CIP2A: variants seen among roughly 807,000 people sequenced by gnomAD.
The protein encoded by CIP2A is protein CIP2A.
In CIP2A, 103 loss-of-function variants were observed where a neutral mutation model predicts 110.9. The ratio of observed to expected loss-of-function variants is 0.93; its 90% CI spans 0.79 to 1.09. CIP2A has a LOEUF of 1.09. Among genes scored for constraint, CIP2A ranks in the 50% least tolerant of loss-of-function variants. The probability of loss-of-function intolerance (pLI) is 0.00; values close to 1 mark genes in which losing one functional copy is unlikely to be tolerated. For synonymous variants in CIP2A, 381 were observed against 361.6 expected, an observed-to-expected ratio of 1.05 and a Z score of -0.61; for missense variants, 1,088 against 1,038.4, an observed-to-expected ratio of 1.05 and a Z score of -0.66.
chr3:108,556,239 T>C (rs1038317536), intron 17 of CIP2A, among the ~76,000 whole-genome samples: 4 of 152,220 alleles, frequency 2.6e-5, no homozygotes, highest in African/African-American at 9.6e-5. Flanking sequence ...ATATGTACCA[T>C]GCCAAGCTAA....
In CIP2A at chr3:108,589,316, C is replaced by A. The variant is rs768252363; in HGVS notation, c.60G>T (p.Val20=). Residue 20 remains valine, a synonymous_variant, in exon 1 of 21, where the codon GTG becomes GTT. Coordinates refer to ENST00000295746, the MANE Select transcript of CIP2A (RefSeq NM_020890.3). Reference sequence around the variant, plus strand: ...GCTGAGTGGCGTTCGCCTCTGACTTCACGGCTTTGTACTGACTGACAGTCA... The same window carrying A: ...GCTGAGTGGCGTTCGCCTCTGACTTAACGGCTTTGTACTGACTGACAGTCA... ...LLLTVSQYKA[V]KSEANATQLL... is the part of the protein sequence containing the mutation. 9.9e-6 allele frequency: 16 copies of A among 1,613,986 alleles called. No homozygotes were observed. The highest frequency in any genetic ancestry group is 8.5e-7 in the Non-Finnish European group (1 of 1,179,984).
At chr3:108,578,035 A>G (rs899282415) in intron 7 of CIP2A, among the ~76,000 whole-genome samples, 1 of 152,238 alleles carries the variant, frequency 6.6e-6, no homozygotes, top group Non-Finnish European at 1.5e-5. Context: ...GTTAAGTTAG[A>G]CTTTGGAAGA....
intron 9 of CIP2A, 88 bp from the exon 10 acceptor site, chr3:108,568,402 T>A (rs1030759725): frequency 1.1e-5 from 11 of 1,036,740 alleles, no homozygotes; most frequent in Non-Finnish European, 1.4e-5. Flanking sequence ...ACACTCTCTT[T>A]AAATTTTTTA....
intron 17 of CIP2A, among the ~76,000 whole-genome samples, chr3:108,556,747 T>C (rs1937816991): frequency 6.6e-6 from 1 of 152,202 alleles, no homozygotes. Flanking sequence ...CACTTACACC[T>C]AAATTTCCAT....
chr3:108,585,480 G>A (rs1939014307), intron 1 of CIP2A, among the ~76,000 whole-genome samples: 3 of 151,984 alleles, frequency 2.0e-5, no homozygotes, highest in Admixed American at 2.0e-4. Flanking sequence ...ATCTCAGTTC[G>A]GTCGGCCTAT....
intron 8 of CIP2A, among the ~76,000 whole-genome samples, chr3:108,570,142 A>G (rs1038067808): frequency 6.6e-6 from 1 of 151,978 alleles, no homozygotes; most frequent in Non-Finnish European, 1.5e-5. Flanking sequence ...GCCTTATACC[A>G]TAACATCCCC....
rs1938018458 is a variant in CIP2A at position 108,561,886 on chromosome 3, C to A, written c.1635-1045G>T. 1.3e-5 allele frequency among the ~76,000 whole-genome samples: 2 copies of A among 152,130 alleles called. 1 individual carries two copies. Among genetic ancestry groups the A allele is most frequent in the South Asian group, 4.1e-4 (2 of 4,834 alleles). ...CAGTCAAAATGGTGGGAAGGCCTCA[C>A]ACACAGAGGCAGAGGATAAGACTTC... On this transcript the variant is annotated intron_variant, in intron 13 of 20. Coordinates refer to ENST00000295746, the MANE Select transcript of CIP2A (RefSeq NM_020890.3).
chr3:108,588,124 C>T (rs1576323914), intron 1 of CIP2A, among the ~76,000 whole-genome samples: 1 of 152,124 alleles, frequency 6.6e-6, no homozygotes, highest in East Asian at 1.9e-4. Context: ...AAAGGTAATG[C>T]TTCAGAATAG....
chr3:108,551,137 A>G lies in CIP2A; in HGVS notation c.*12T>C. Reference sequence around the variant, plus strand: ...ATATCATGAGATTACAAATTCCAAAATGCCATAATGTCTATATACTGAGAT... The same window carrying G: ...ATATCATGAGATTACAAATTCCAAAGTGCCATAATGTCTATATACTGAGAT... On this transcript the variant is annotated 3_prime_UTR_variant, in exon 21 of 21. Transcript: ENST00000295746. 6.9e-7 allele frequency: 1 copy of G among 1,455,556 alleles called. No homozygotes were observed. The highest frequency in any genetic ancestry group is 9.2e-7 in the Non-Finnish European group (1 of 1,089,056). The allele number at this position is 1,455,556 out of a possible 1,614,324, so 90.2% of individuals were successfully genotyped here.
chr3:108,576,709 T>C (rs1220546603), intron 7 of CIP2A, among the ~76,000 whole-genome samples: 2 of 152,196 alleles, frequency 1.3e-5, no homozygotes, highest in Non-Finnish European at 2.9e-5. Flanking sequence ...AATATCCTAA[T>C]ACATTATACA....
chr3:108,562,903 T>C (rs1938056275), intron 13 of CIP2A, among the ~76,000 whole-genome samples: 1 of 152,156 alleles, frequency 6.6e-6, no homozygotes, highest in Non-Finnish European at 1.5e-5. Context: ...GGATAGTACC[T>C]GAAGAACATT....
At chr3:108,587,869 C>G (rs1487090851) in intron 1 of CIP2A, among the ~76,000 whole-genome samples, 1 of 152,014 alleles carries the variant, frequency 6.6e-6, no homozygotes, top group Non-Finnish European at 1.5e-5. Flanking sequence ...GCAACCTCAG[C>G]CTCCCGAGTT....
chr3:108,588,958 C>T (rs1576325207), intron 1 of CIP2A, among the ~76,000 whole-genome samples: 1 of 152,302 alleles, frequency 6.6e-6, no homozygotes, highest in East Asian at 1.9e-4. Flanking sequence ...GGCTTGGTTT[C>T]GTAGAAAAAC....
At chr3:108,563,033 C>G in intron 13 of CIP2A, 93 bp downstream of exon 13, 3 of 716,556 alleles carry the variant, frequency 4.2e-6, no homozygotes, top group African/African-American at 1.8e-5. Flanking sequence ...CTTCAATTCA[C>G]TAATTTGCTT....
At chr3:108,582,463 G>A (rs1311901040) in intron 3 of CIP2A, among the ~76,000 whole-genome samples, 1 of 152,134 alleles carries the variant, frequency 6.6e-6, no homozygotes, top group Non-Finnish European at 1.5e-5. Context: ...CACACATGTA[G>A]TCCATCAATT....
intron 17 of CIP2A, among the ~76,000 whole-genome samples, chr3:108,556,212 A>T (rs1029745749): frequency 6.6e-6 from 1 of 152,166 alleles, no homozygotes; most frequent in African/African-American, 2.4e-5. Context: ...CTTCATTATT[A>T]TTGATGGGAA....
Position 108,582,164 on chromosome 3 carries a change from T to G in CIP2A, c.396A>C (p.Lys132Asn). Residue 132 changes from lysine (K) to asparagine (N), a missense_variant, in exon 4 of 21, where the codon AAA (lysine) becomes AAC (asparagine). Transcript: ENST00000295746. ...QLLQKLTYNV[K>N]IFYSGANIDE... ...CTATATTGGCACCAGAATAGAAAAT[T>G]TTGACATTATATGTTAACTTCTGTA... 6.7e-7 allele frequency: 1 copy of G among 1,497,240 alleles called. No homozygotes were observed. Among genetic ancestry groups the G allele is most frequent in the Non-Finnish European group, 9.2e-7 (1 of 1,088,982 alleles). 92.7% of individuals were successfully genotyped at this position (1,497,240 alleles called of 1,614,324 possible).
chr3:108,558,894 T>C (rs977420461), intron 16 of CIP2A, among the ~76,000 whole-genome samples: 1 of 152,102 alleles, frequency 6.6e-6, no homozygotes, highest in African/African-American at 2.4e-5. Flanking sequence ...ATAGTTAGAA[T>C]CCTTATATGC....
intron 9 of CIP2A, among the ~76,000 whole-genome samples, chr3:108,569,179 T>TACACACACAC (rs1553694615): frequency 1.4e-5 from 1 of 72,090 alleles, no homozygotes; most frequent in South Asian, 6.7e-4. Flanking sequence ...TATATATATA[T>TACACACACAC]ATACATACAC....
Sources: gnomAD v4.1 joint callset for allele counts (sites outside exome capture counted in the v4.1 genomes callset) on GRCh38, gnomAD v4.1.1 for gene constraint, MANE v1.5 for transcripts, NCBI Gene and HGNC (gene_info 2026-07-23, HGNC 2026-07-21) for gene names.